Variants in ASIP observed in about 807,000 individuals in gnomAD.
ASIP encodes the protein agouti signaling protein, also known as agouti-signaling protein.
ASIP carries 11 observed loss-of-function variants against 10.3 expected under a neutral mutation model. The ratio of observed to expected loss-of-function variants is 1.07; its 90% CI spans 0.68 to 1.78. The LOEUF (loss-of-function observed/expected upper bound fraction) is 1.78. ASIP is among the 40% of genes most tolerant of loss of function. The pLI, the probability that ASIP is intolerant of heterozygous loss-of-function variation, is 0.00. For missense variants in ASIP, 180 were observed against 169.2 expected (o/e 1.06, Z -0.35); for synonymous variants, 70 against 70.8 (o/e 0.99, Z 0.06).
intron 1 of ASIP, among the ~76,000 whole-genome samples, chr20:34,235,478 C>A (rs981581494): frequency 6.6e-6 from 1 of 151,596 alleles, no homozygotes; most frequent in Non-Finnish European, 1.5e-5. Context: ...TCACTGAAGG[C>A]AATGAGACTA....
At chr20:34,224,042 C>T (rs2035075536) in intron 1 of ASIP, among the ~76,000 whole-genome samples, 1 of 128,484 alleles carries the variant, frequency 7.8e-6, no homozygotes. Flanking sequence ...AGAGTCATCA[C>T]CAATCCCTAA....
intron 1 of ASIP, among the ~76,000 whole-genome samples, chr20:34,220,190 A>G (rs1446245182): frequency 1.3e-5 from 2 of 152,222 alleles, no homozygotes; most frequent in South Asian, 2.1e-4. Flanking sequence ...TACCCATAAA[A>G]GGAACAGATA....
At chr20:34,210,207 C>G (rs900315350) in intron 1 of ASIP, among the ~76,000 whole-genome samples, 1 of 152,232 alleles carries the variant, frequency 6.6e-6, no homozygotes, top group South Asian at 2.1e-4. Context: ...AGGGCTGAAA[C>G]GTCCCTTGCT....
chr20:34,234,675 G>A (rs1428684845), intron 1 of ASIP, among the ~76,000 whole-genome samples: 4 of 151,686 alleles, frequency 2.6e-5, no homozygotes, highest in Non-Finnish European at 5.9e-5. Context: ...GGTGGCAGGC[G>A]CCTATAATCC....
intron 1 of ASIP, among the ~76,000 whole-genome samples, chr20:34,256,452 G>A (rs372076285): frequency 7.9e-5 from 12 of 152,116 alleles, no homozygotes; most frequent in South Asian, 2.1e-4. Flanking sequence ...GGCTGGACCC[G>A]ATAACACCCG....
chr20:34,223,601 G>T (rs1313229920), intron 1 of ASIP, among the ~76,000 whole-genome samples: 4 of 139,954 alleles, frequency 2.9e-5, no homozygotes, highest in Middle Eastern at 3.6e-3. Context: ...AGGTGGGGGG[G>T]TCAGCCCCCC....
At chr20:34,258,095 G>A (rs1208301466) in intron 1 of ASIP, among the ~76,000 whole-genome samples, 1 of 151,716 alleles carries the variant, frequency 6.6e-6, no homozygotes, top group African/African-American at 2.4e-5. Flanking sequence ...AGTAAGCCAA[G>A]ATCGCACCAC....
chr20:34,233,411 T>C (rs1197990710), intron 1 of ASIP, among the ~76,000 whole-genome samples: 4 of 152,128 alleles, frequency 2.6e-5, no homozygotes, highest in Non-Finnish European at 5.9e-5. Context: ...CCTCCCACAG[T>C]GCTGGGATTA....
intron 1 of ASIP, among the ~76,000 whole-genome samples, chr20:34,247,625 T>G (rs2122623015): frequency 6.6e-6 from 1 of 152,108 alleles, no homozygotes; most frequent in African/African-American, 2.4e-5. Context: ...ACTTTTTTTT[T>G]TGAGACATGG....
At chr20:34,192,715 C>T (rs2034831997), upstream of ASIP, among the ~76,000 whole-genome samples, 1 of 152,112 alleles carries the variant, frequency 6.6e-6, no homozygotes, top group Non-Finnish European at 1.5e-5. Flanking sequence ...TGGTGCTTAC[C>T]TCATACCTTG....
intron 1 of ASIP, chr20:34,214,070 C>G (rs1414324221): frequency 1.6e-6 from 2 of 1,241,418 alleles, no homozygotes; most frequent in African/African-American, 3.0e-5. Flanking sequence ...ATCACTCCAA[C>G]TGTCTCATAA....
At chr20:34,188,330 G>A in the ASIP span, among the ~76,000 whole-genome samples, 1 of 152,084 alleles carries the variant, frequency 6.6e-6, no homozygotes, top group African/African-American at 2.4e-5. Flanking sequence ...TGTACTGCTG[G>A]TGGTATGTGA....
At chr20:34,218,921 C>T (rs1166327765) in intron 1 of ASIP, among the ~76,000 whole-genome samples, 4 of 152,102 alleles carry the variant, frequency 2.6e-5, no homozygotes, top group Non-Finnish European at 5.9e-5. Context: ...CCTCGGCCTC[C>T]CAAAATGCTG....
At chr20:34,256,440 A>G (rs778844515) in intron 1 of ASIP, among the ~76,000 whole-genome samples, 1 of 152,168 alleles carries the variant, frequency 6.6e-6, no homozygotes, top group African/African-American at 2.4e-5. Flanking sequence ...CAGACCCAGT[A>G]GGGCTGGACC....
Position 34,269,286 on chromosome 20 carries a change from T to G in ASIP, c.*119T>G. 7.8e-7 allele frequency: 1 copy of G among 1,276,678 alleles called. No individual in the cohort carries two copies. The highest frequency in any genetic ancestry group is 1.0e-6 in the Non-Finnish European group (1 of 967,184). 79.1% of individuals were successfully genotyped at this position (1,276,678 alleles called of 1,614,324 possible). The stretch of plus-strand genomic sequence containing the variant: ...GCAGGCGGGCGGAGGTTCCAGGAGA[T>G]GGGACTTCAGGGAGACCTGGCTTGG... On this transcript the variant is annotated 3_prime_UTR_variant, in exon 4 of 4. Coordinates refer to ENST00000374954, the MANE Select transcript of ASIP (RefSeq NM_001672.3).
intron 1 of ASIP, among the ~76,000 whole-genome samples, chr20:34,258,768 T>G (rs1305452036): frequency 1.0e-5 from 1 of 100,378 alleles, no homozygotes; most frequent in Non-Finnish European, 1.9e-5. Flanking sequence ...ATGATATATA[T>G]AATATATATA....
intron 1 of ASIP, among the ~76,000 whole-genome samples, chr20:34,251,516 C>T (rs1380101243): frequency 2.6e-5 from 4 of 152,058 alleles, no homozygotes; most frequent in African/African-American, 4.8e-5. Context: ...CCTCGTGATC[C>T]GTCCGCCTCG....
In ASIP at chr20:34,215,057, T is replaced by C. The variant is rs1265906951; in HGVS notation, c.-11+20297T>C. 5.9e-6 allele frequency: 9 copies of C among 1,535,546 alleles called. No individual in the cohort carries two copies. In the East Asian group the frequency reaches 2.0e-4, roughly 35 times the overall value. On this transcript the variant is annotated intron_variant, in intron 1 of 3. Coordinates refer to the ASIP transcript ENST00000568305. ...AAGTCAACATCTTCTTCCTGGTCAA[T>C]GCTGAAAAAGCCAGCAGACTGTAAT... is the stretch of plus-strand genomic sequence containing the variant.
chr20:34,210,774 T>G (rs945682343), intron 1 of ASIP, among the ~76,000 whole-genome samples: 47 of 152,234 alleles, frequency 3.1e-4, no homozygotes, highest in African/African-American at 1.1e-3. Context: ...AGATGTTAGA[T>G]GAAAGGCTTT....
Sources: gnomAD v4.1 joint callset for allele counts (sites outside exome capture counted in the v4.1 genomes callset) on GRCh38, gnomAD v4.1.1 for gene constraint, MANE v1.5 for transcripts, NCBI Gene and HGNC (gene_info 2026-07-23, HGNC 2026-07-21) for gene names.